The following DOCK3 variants were observed in gnomAD, a reference collection of about 807,000 sequenced individuals.
DOCK3 encodes dedicator of cytokinesis 3, also known as dedicator of cytokinesis protein 3.
Under a neutral mutation model 265.6 loss-of-function variants are expected in DOCK3, and 60 were observed. The observed-to-expected ratio is 0.23, with a 90% CI of 0.18 to 0.28. The LOEUF is 0.28. DOCK3 is among the 10% of genes least tolerant of loss of function. The pLI is 1.00. For missense variants in DOCK3, 1,981 were observed against 2,594.3 expected (o/e 0.76, Z 5.14); for synonymous variants, 881 against 938.0 (o/e 0.94, Z 1.11).
rs141251774 is a variant in DOCK3 at position 51,368,434 on chromosome 3, C to T, written c.5293+5760C>T. 2.7e-3 allele frequency among the ~76,000 whole-genome samples: 406 copies of T among 152,342 alleles called. 3 individuals are homozygous for T. Among genetic ancestry groups the T allele is most frequent in the African/African-American group, 9.0e-3 (376 of 41,570 alleles). On this transcript the variant is annotated intron_variant, in intron 49 of 52. Coordinates refer to ENST00000266037, the MANE Select transcript of DOCK3 (RefSeq NM_004947.5). ...CCTGCGCCTGACTCAGGGGATCCCA[C>T]ACCCATGGAGCCTCTCTCACTGCTA...
At chr3:51,127,549 A>C (rs909604678) in intron 9 of DOCK3, among the ~76,000 whole-genome samples, 1 of 152,240 alleles carries the variant, frequency 6.6e-6, no homozygotes, top group African/African-American at 2.4e-5. Context: ...AAGTCAATAA[A>C]TCTTATGTCA....
intron 1 of DOCK3, among the ~76,000 whole-genome samples, chr3:50,679,991 C>G (rs2034272469): frequency 6.6e-6 from 1 of 152,094 alleles, no homozygotes; most frequent in East Asian, 1.9e-4. Flanking sequence ...AGTAACTGAT[C>G]TAAGATACTT....
chr3:51,273,937 C>T (rs908586676), intron 24 of DOCK3, among the ~76,000 whole-genome samples: 2 of 152,150 alleles, frequency 1.3e-5, no homozygotes, highest in African/African-American at 4.8e-5. Context: ...CCTAACCTTC[C>T]TTGTGAAGTA....
chr3:51,380,274 C>A, intron 52 of DOCK3, 67 bp downstream of exon 52: 1 of 1,450,648 alleles, frequency 6.9e-7, no homozygotes, highest in South Asian at 1.3e-5. Context: ...CTAGAACCAC[C>A]CTTGGGGTCT....
intron 35 of DOCK3, among the ~76,000 whole-genome samples, chr3:51,337,772 C>T (rs926952446): frequency 2.0e-5 from 3 of 152,220 alleles, no homozygotes; most frequent in African/African-American, 4.8e-5. Flanking sequence ...CCCTCCTACA[C>T]CCAGACCCTG....
At chr3:50,774,474 T>C (rs1052813997) in intron 1 of DOCK3, among the ~76,000 whole-genome samples, 3 of 152,064 alleles carry the variant, frequency 2.0e-5, no homozygotes, top group African/African-American at 7.2e-5. Context: ...GATGTTGTTA[T>C]AAATGGTGTA....
intron 12 of DOCK3, among the ~76,000 whole-genome samples, chr3:51,188,282 A>G (rs1353554193): frequency 6.6e-6 from 1 of 152,220 alleles, no homozygotes; most frequent in Non-Finnish European, 1.5e-5. Flanking sequence ...TAAACATTGT[A>G]AGGCTAAAAC....
intron 39 of DOCK3, among the ~76,000 whole-genome samples, chr3:51,349,167 A>C (rs1467410829): frequency 6.6e-6 from 1 of 152,100 alleles, no homozygotes; most frequent in Non-Finnish European, 1.5e-5. Context: ...GAGAAGGGAG[A>C]AGTGGCATAG....
At chr3:50,888,848 A>G (rs150408442) in intron 3 of DOCK3, among the ~76,000 whole-genome samples, 3 of 152,298 alleles carry the variant, frequency 2.0e-5, no homozygotes, top group African/African-American at 4.8e-5. Context: ...TACACCTTAT[A>G]CAAAAATTAA....
chr3:51,295,766 G>A (rs1429829676), intron 27 of DOCK3, among the ~76,000 whole-genome samples: 1 of 151,948 alleles, frequency 6.6e-6, no homozygotes, highest in Non-Finnish European at 1.5e-5. Context: ...GTCTAGCTGG[G>A]GCAATAAGGC....
At chr3:51,309,520 C>T (rs1400293157) in intron 27 of DOCK3, among the ~76,000 whole-genome samples, 1 of 152,288 alleles carries the variant, frequency 6.6e-6, no homozygotes, top group East Asian at 1.9e-4. Flanking sequence ...TTGCAGTGAG[C>T]CGAGATGGCA....
At chr3:50,798,007 CT>C (rs1191895349) in intron 2 of DOCK3, among the ~76,000 whole-genome samples, 2 of 152,174 alleles carry the variant, frequency 1.3e-5, no homozygotes, top group African/African-American at 2.4e-5. Flanking sequence ...TGTAACTCTT[CT>C]TGTAATGATG....
intron 1 of DOCK3, among the ~76,000 whole-genome samples, chr3:50,731,675 T>A (rs1297134755): frequency 6.6e-6 from 1 of 152,204 alleles, no homozygotes; most frequent in Admixed American, 6.5e-5. Context: ...CACCATTTAT[T>A]ATGAAAAGAG....
At chr3:51,136,656 G>A (rs2107088570) in intron 9 of DOCK3, among the ~76,000 whole-genome samples, 1 of 152,250 alleles carries the variant, frequency 6.6e-6, no homozygotes, top group Non-Finnish European at 1.5e-5. Context: ...TATAGCCTCA[G>A]CATTTAGCTC....
intron 12 of DOCK3, among the ~76,000 whole-genome samples, chr3:51,201,594 T>G (rs1278935470): frequency 6.6e-6 from 1 of 152,122 alleles, no homozygotes; most frequent in Non-Finnish European, 1.5e-5. Context: ...CAGCCCACTG[T>G]CAACATTAGA....
At chr3:51,243,071 G>C (rs954879198) in intron 21 of DOCK3, among the ~76,000 whole-genome samples, 2 of 152,172 alleles carry the variant, frequency 1.3e-5, no homozygotes, top group African/African-American at 4.8e-5. Flanking sequence ...AGCCAACCAA[G>C]GGGTGCTCAG....
At chr3:50,907,514 T>G (rs1391401291) in intron 4 of DOCK3, among the ~76,000 whole-genome samples, 2 of 152,080 alleles carry the variant, frequency 1.3e-5, no homozygotes, top group African/African-American at 4.8e-5. Flanking sequence ...GTAATAGCCT[T>G]CTTTGTCTTT....
rs374007523 is a variant in DOCK3, at chr3:51,021,278, T to C, written c.316-43170T>C. 7.2e-5 allele frequency among the ~76,000 whole-genome samples: 11 copies of C among 152,136 alleles called. No individual in the cohort carries two copies. The East Asian group carries it at 1.9e-3, about 27-fold the overall frequency. Reference sequence around the variant, plus strand: ...ATGAGAAGATCAACCCCAAGACACATAATCATCAGATTCTCCAAGGTTGAA... The same window carrying C: ...ATGAGAAGATCAACCCCAAGACACACAATCATCAGATTCTCCAAGGTTGAA... On this transcript the variant is annotated intron_variant, in intron 5 of 52. Coordinates refer to ENST00000266037, the MANE Select transcript of DOCK3 (RefSeq NM_004947.5).
At chr3:51,162,020 A>T (rs1175704258) in intron 12 of DOCK3, among the ~76,000 whole-genome samples, 1 of 152,252 alleles carries the variant, frequency 6.6e-6, no homozygotes, top group Non-Finnish European at 1.5e-5. Context: ...ATCTTTGCTC[A>T]TATAGTTAGA....
Sources: allele counts gnomAD v4.1 joint callset (sites outside exome capture counted in the v4.1 genomes callset), GRCh38; gene constraint gnomAD v4.1.1; transcripts MANE v1.5; gene names NCBI Gene and HGNC (gene_info 2026-07-23, HGNC 2026-07-21).